ST6GALNAC3: variants seen among roughly 807,000 people sequenced by gnomAD.
ST6GALNAC3 encodes ST6 N-acetylgalactosaminide alpha-2,6-sialyltransferase 3.
In ST6GALNAC3, 25 loss-of-function variants were observed where a neutral mutation model predicts 32.7. That is an observed-to-expected ratio of 0.76 (90% CI 0.56 to 1.07). The LOEUF is 1.07. Ranked by LOEUF, ST6GALNAC3 falls within the 50% of genes least tolerant of loss-of-function variation. The pLI is 0.00. For missense variants in ST6GALNAC3, 355 were observed against 382.4 expected, an observed-to-expected ratio of 0.93 and a Z score of 0.60; for synonymous variants, 129 against 133.1, an observed-to-expected ratio of 0.97 and a Z score of 0.21.
Position 76,318,489 on chromosome 1 carries a change from G to A in ST6GALNAC3, c.213+4490G>A, listed in dbSNP as rs542679616. ...GGAGCCCCAAATTTCTCATCAACAC[G>A]TGTTTAAGCTGATAGCAACCATGAT... is the stretch of plus-strand genomic sequence containing the variant. On this transcript the variant is annotated intron_variant, in intron 2 of 4. Coordinates refer to ENST00000328299, the MANE Select transcript of ST6GALNAC3 (RefSeq NM_152996.4). Among the ~76,000 whole-genome samples, 12 of 152,202 alleles carry A rather than the reference G, an allele frequency of 7.9e-5. No homozygotes were observed. The East Asian group carries it at 1.6e-3, about 20-fold the overall frequency.
chr1:76,288,717 T>C (rs2100809610), intron 1 of ST6GALNAC3, among the ~76,000 whole-genome samples: 1 of 152,202 alleles, frequency 6.6e-6, no homozygotes, highest in South Asian at 2.1e-4. Context: ...AAATTGCACT[T>C]GGATGAATAG....
At chr1:76,575,381 T>C (rs1332330999) in intron 3 of ST6GALNAC3, among the ~76,000 whole-genome samples, 1 of 152,124 alleles carries the variant, frequency 6.6e-6, no homozygotes. Flanking sequence ...ATTAATTACA[T>C]CATTGATTTA....
chr1:76,193,584 A>G (rs1654028882), intron 1 of ST6GALNAC3, among the ~76,000 whole-genome samples: 1 of 152,140 alleles, frequency 6.6e-6, no homozygotes. Flanking sequence ...TACTACATAT[A>G]TCTTTGTGGA....
chr1:76,577,908 G>A (rs559859522), intron 3 of ST6GALNAC3, among the ~76,000 whole-genome samples: 1 of 152,174 alleles, frequency 6.6e-6, no homozygotes, highest in Non-Finnish European at 1.5e-5. Context: ...GACTAATTAA[G>A]TAGACGGTAA....
At chr1:76,481,400 T>A (rs1469146921) in intron 3 of ST6GALNAC3, among the ~76,000 whole-genome samples, 1 of 152,174 alleles carries the variant, frequency 6.6e-6, no homozygotes, top group Non-Finnish European at 1.5e-5. Context: ...GAGTAGGTGA[T>A]CTCCCTTGGG....
chr1:76,106,362 CA>C (rs1267722578), intron 1 of ST6GALNAC3, among the ~76,000 whole-genome samples: 4 of 152,164 alleles, frequency 2.6e-5, no homozygotes, highest in African/African-American at 9.7e-5. Context: ...TTGGTTGGTG[CA>C]AGAGGGGCTG....
intron 1 of ST6GALNAC3, among the ~76,000 whole-genome samples, chr1:76,207,764 G>C (rs186990549): frequency 5.9e-5 from 9 of 152,288 alleles, no homozygotes; most frequent in African/African-American, 2.2e-4. Flanking sequence ...ACCATACCAG[G>C]TGGTTACCCA....
chr1:76,528,498 T>A (rs1663054360), intron 3 of ST6GALNAC3, among the ~76,000 whole-genome samples: 1 of 152,182 alleles, frequency 6.6e-6, no homozygotes, highest in Non-Finnish European at 1.5e-5. Context: ...GATAAGCTAA[T>A]GCTAGAAAGA....
rs79798723 is a variant in ST6GALNAC3 at position 76,262,543 on chromosome 1, T to A, written c.19-51262T>A. ...TGGATCATCTAAGTAAGTGCTATGA[T>A]GAAAATAATATTCAAGAGGCTGGTC... On this transcript the variant is annotated intron_variant, in intron 1 of 4. Coordinates refer to ENST00000328299, the MANE Select transcript of ST6GALNAC3 (RefSeq NM_152996.4). 8.7e-4 allele frequency among the ~76,000 whole-genome samples: 132 copies of A among 152,314 alleles called. 3 individuals carry two copies. In the East Asian group the frequency reaches 0.022, roughly 26 times the overall value.
At chr1:76,405,790 T>G (rs763700511) in intron 2 of ST6GALNAC3, among the ~76,000 whole-genome samples, 1 of 151,958 alleles carries the variant, frequency 6.6e-6, no homozygotes, top group Non-Finnish European at 1.5e-5. Context: ...CTCACTCACT[T>G]TCTCTCTTAC....
intron 1 of ST6GALNAC3, among the ~76,000 whole-genome samples, chr1:76,124,031 A>G (rs374587118): frequency 6.6e-6 from 1 of 152,178 alleles, no homozygotes; most frequent in African/African-American, 2.4e-5. Context: ...GATTACAGGC[A>G]TGAGCCACCA....
chr1:76,352,317 G>T (rs1423003829), intron 2 of ST6GALNAC3, among the ~76,000 whole-genome samples: 2 of 150,924 alleles, frequency 1.3e-5, no homozygotes, highest in African/African-American at 4.8e-5. Context: ...TGTGTTTTTG[G>T]CTGACTCTGC....
intron 2 of ST6GALNAC3, among the ~76,000 whole-genome samples, chr1:76,382,675 A>G (rs1472968722): frequency 6.6e-6 from 1 of 152,170 alleles, no homozygotes; most frequent in Non-Finnish European, 1.5e-5. Context: ...ATAGCAATTG[A>G]TTTTGCCACA....
intron 3 of ST6GALNAC3, among the ~76,000 whole-genome samples, chr1:76,428,253 G>A (rs914799185): frequency 2.6e-5 from 4 of 151,912 alleles, no homozygotes; most frequent in African/African-American, 7.3e-5. Context: ...TCCCAGAAAT[G>A]ACTTTGTGGG....
intron 1 of ST6GALNAC3, among the ~76,000 whole-genome samples, chr1:76,166,780 C>A (rs540917153): frequency 6.6e-6 from 1 of 152,052 alleles, no homozygotes; most frequent in Non-Finnish European, 1.5e-5. Flanking sequence ...AGTAGGATTG[C>A]GTTGCCTATT....
At chr1:76,527,653 T>C (rs543185360) in intron 3 of ST6GALNAC3, among the ~76,000 whole-genome samples, 4 of 152,190 alleles carry the variant, frequency 2.6e-5, no homozygotes, top group Admixed American at 1.3e-4. Flanking sequence ...TATCTTTGTA[T>C]CTGTTTGAAG....
At chr1:76,220,649 C>T (rs550820412) in intron 1 of ST6GALNAC3, among the ~76,000 whole-genome samples, 1 of 152,190 alleles carries the variant, frequency 6.6e-6, no homozygotes, top group East Asian at 1.9e-4. Flanking sequence ...ATGACTTCCT[C>T]CTGAATGAAG....
intron 1 of ST6GALNAC3, among the ~76,000 whole-genome samples, chr1:76,232,746 C>G (rs1363666004): frequency 1.3e-5 from 2 of 152,190 alleles, no homozygotes; most frequent in Non-Finnish European, 2.9e-5. Context: ...GAAGAAGCCA[C>G]CAGAAAAAAC....
At chr1:76,112,441 C>T (rs1444370292) in intron 1 of ST6GALNAC3, among the ~76,000 whole-genome samples, 2 of 147,850 alleles carry the variant, frequency 1.4e-5, no homozygotes, top group African/African-American at 2.5e-5. Context: ...ACCTCCCTTC[C>T]GGACGGGGCG....
Sources: gnomAD v4.1 joint callset for allele counts (sites outside exome capture counted in the v4.1 genomes callset) on GRCh38, gnomAD v4.1.1 for gene constraint, MANE v1.5 for transcripts, NCBI Gene and HGNC (gene_info 2026-07-23, HGNC 2026-07-21) for gene names.